Variants in FRMD6 observed in about 807,000 individuals in gnomAD.
The protein encoded by FRMD6 is FERM domain-containing protein 6.
Under a neutral mutation model 73.2 loss-of-function variants are expected in FRMD6, and 37 were observed. The ratio of observed to expected loss-of-function variants is 0.51; its 90% CI spans 0.39 to 0.66. The LOEUF (loss-of-function observed/expected upper bound fraction) is 0.66, where lower values mean the gene tolerates loss of function less well. Ranked by LOEUF, FRMD6 falls within the 30% of genes least tolerant of loss-of-function variation. The probability of loss-of-function intolerance (pLI) is 0.00; values close to 1 mark genes in which losing one functional copy is unlikely to be tolerated. For missense variants in FRMD6, 714 were observed against 780.5 expected (o/e 0.91, Z 1.02); for synonymous variants, 273 against 282.2 (o/e 0.97, Z 0.33).
chr14:51,462,060 G>A, the FRMD6 span, among the ~76,000 whole-genome samples: 56 of 150,170 alleles, frequency 3.7e-4, 1 homozygote, highest in Middle Eastern at 6.8e-3. Context: ...AGGAAGGAAA[G>A]AAAGAAGGAA....
the FRMD6 span, among the ~76,000 whole-genome samples, chr14:51,457,998 G>C: frequency 6.6e-6 from 1 of 152,178 alleles, no homozygotes; most frequent in Non-Finnish European, 1.5e-5. Context: ...CTTGGGTTCT[G>C]ACATGATTGT....
At chr14:51,588,290 T>C (rs1889172601) in intron 2 of FRMD6, among the ~76,000 whole-genome samples, 1 of 152,154 alleles carries the variant, frequency 6.6e-6, no homozygotes, top group African/African-American at 2.4e-5. Flanking sequence ...TTATTATTAT[T>C]ATACTTTAAG....
chr14:51,606,798 G>A (rs1267895413), intron 2 of FRMD6, among the ~76,000 whole-genome samples: 1 of 152,146 alleles, frequency 6.6e-6, no homozygotes, highest in Non-Finnish European at 1.5e-5. Context: ...TGCTGACCTA[G>A]CATGGCTCAG....
chr14:51,628,858 T>C (rs1594624451), intron 2 of FRMD6, among the ~76,000 whole-genome samples: 2 of 138,348 alleles, frequency 1.4e-5, no homozygotes, highest in Non-Finnish European at 3.1e-5. Context: ...CTTTTGCATC[T>C]ACCTTTTTCT....
the FRMD6 span, among the ~76,000 whole-genome samples, chr14:51,408,865 G>T: frequency 1.3e-5 from 2 of 152,042 alleles, no homozygotes; most frequent in South Asian, 4.1e-4. Context: ...TTTGCACAAG[G>T]ATCCAAATGG....
chr14:51,611,162 A>T (rs993088573), intron 2 of FRMD6, among the ~76,000 whole-genome samples: 202 of 152,312 alleles, frequency 1.3e-3, no homozygotes, highest in African/African-American at 4.8e-3. Flanking sequence ...GAGAGGGGAA[A>T]AATGGAGAAG....
chr14:51,632,913 T>C (rs1891393257), intron 2 of FRMD6, among the ~76,000 whole-genome samples: 1 of 152,212 alleles, frequency 6.6e-6, no homozygotes, highest in Non-Finnish European at 1.5e-5. Flanking sequence ...TAAGATGACA[T>C]TTTGGGGACA....
At chr14:51,611,637 G>A (rs779892652) in intron 2 of FRMD6, among the ~76,000 whole-genome samples, 2 of 152,200 alleles carry the variant, frequency 1.3e-5, no homozygotes, top group Non-Finnish European at 2.9e-5. Flanking sequence ...GACTAGGGTA[G>A]GGCCCAAGAA....
intron 2 of FRMD6, among the ~76,000 whole-genome samples, chr14:51,612,346 A>G (rs964394128): frequency 6.6e-6 from 1 of 152,212 alleles, no homozygotes; most frequent in Non-Finnish European, 1.5e-5. Flanking sequence ...AAAACACTCC[A>G]TCTCTCTGTA....
At chr14:51,708,763 T>A (rs8008607) in intron 7 of FRMD6, among the ~76,000 whole-genome samples, 42,827 of 152,018 alleles carry the variant, frequency 0.28, 6,425 homozygotes, top group Non-Finnish European at 0.33. Context: ...TATTTTACAG[T>A]CCAGGAAACT....
the FRMD6 span, among the ~76,000 whole-genome samples, chr14:51,472,192 G>C: frequency 2.0e-5 from 3 of 152,074 alleles, no homozygotes; most frequent in Non-Finnish European, 2.9e-5. Context: ...GCACAATGAA[G>C]GTTAAAGAGC....
intron 2 of FRMD6, among the ~76,000 whole-genome samples, chr14:51,595,585 C>G (rs1889666731): frequency 1.3e-5 from 2 of 152,136 alleles, no homozygotes; most frequent in Admixed American, 6.5e-5. Context: ...AGGGTGAACC[C>G]TGACAGCATG....
At chr14:51,708,787 A>T (rs2044418115) in intron 7 of FRMD6, among the ~76,000 whole-genome samples, 1 of 152,136 alleles carries the variant, frequency 6.6e-6, no homozygotes, top group Non-Finnish European at 1.5e-5. Flanking sequence ...GCTTAAAGAG[A>T]TTAAATGAAT....
chr14:51,591,740 A>T (rs1425483615), intron 2 of FRMD6, among the ~76,000 whole-genome samples: 1 of 152,050 alleles, frequency 6.6e-6, no homozygotes, highest in Non-Finnish European at 1.5e-5. Flanking sequence ...ACGGGGTTTC[A>T]CCATGTTGGC....
chr14:51,597,637 G>A (rs552140192), intron 2 of FRMD6, among the ~76,000 whole-genome samples: 24 of 152,336 alleles, frequency 1.6e-4, no homozygotes, highest in African/African-American at 5.3e-4. Flanking sequence ...GGGGATAATG[G>A]TGCCTACTTG....
intron 2 of FRMD6, among the ~76,000 whole-genome samples, chr14:51,639,706 G>A (rs8006868): frequency 0.73 from 110,774 of 152,042 alleles, 41,033 homozygotes; most frequent in Non-Finnish European, 0.8. Context: ...TGAACTTGTC[G>A]TTCATAGAAT....
intron 1 of FRMD6, among the ~76,000 whole-genome samples, chr14:51,511,328 C>T (rs2140255816): frequency 6.6e-6 from 1 of 152,302 alleles, no homozygotes; most frequent in East Asian, 1.9e-4. Context: ...TGGCCATGAA[C>T]TGAAATAAAG....
chr14:51,502,839 T>G, intron 1 of FRMD6, among the ~76,000 whole-genome samples: 1 of 152,208 alleles, frequency 6.6e-6, no homozygotes, highest in East Asian at 1.9e-4. Flanking sequence ...GCATGGAATG[T>G]TTTTCCATTT....
At chr14:51,439,278 G>A in the FRMD6 span, among the ~76,000 whole-genome samples, 1 of 151,888 alleles carries the variant, frequency 6.6e-6, no homozygotes, top group Non-Finnish European at 1.5e-5. Context: ...TAGGAATCAG[G>A]AATCTTGCTC....
Sources: allele counts gnomAD v4.1 joint callset (sites outside exome capture counted in the v4.1 genomes callset), GRCh38; gene constraint gnomAD v4.1.1; transcripts MANE v1.5; gene names NCBI Gene and HGNC (gene_info 2026-07-23, HGNC 2026-07-21).